The following KMT5A variants were observed in gnomAD, a reference collection of about 807,000 sequenced individuals.
KMT5A encodes the protein N-lysine methyltransferase KMT5A.
Under a neutral mutation model 40.6 loss-of-function variants are expected in KMT5A, and 6 were observed. The observed-to-expected ratio is 0.15, with a 90% CI of 0.08 to 0.29. KMT5A has a LOEUF of 0.29. KMT5A is among the 10% of genes least tolerant of loss of function. KMT5A has a pLI of 1.00. For missense variants in KMT5A, 308 were observed against 459.1 expected (o/e 0.67, Z 3.01); for synonymous variants, 153 against 178.8 (o/e 0.86, Z 1.15).
At chr12:123,398,583 C>G (rs1031242555) in intron 5 of KMT5A, among the ~76,000 whole-genome samples, 7 of 152,238 alleles carry the variant, frequency 4.6e-5, no homozygotes, top group Non-Finnish European at 1.0e-4. Context: ...AGTCTGCAAA[C>G]ACAAGAAAGC....
intron 5 of KMT5A, among the ~76,000 whole-genome samples, chr12:123,396,951 C>T (rs977303076): frequency 2.6e-5 from 4 of 152,278 alleles, no homozygotes; most frequent in Admixed American, 2.6e-4. Flanking sequence ...GTAGTACCTG[C>T]TAGAGCTGTG....
chr12:123,393,715 T>C (rs28825193), intron 3 of KMT5A, among the ~76,000 whole-genome samples: 79,809 of 151,918 alleles, frequency 0.53, 25,275 homozygotes, highest in East Asian at 0.71. Context: ...AATGTTTTTA[T>C]ATTTTTAGTA....
rs775363653 is a variant in KMT5A at position 123,408,079 on chromosome 12, C to A, written c.*376C>A. On this transcript the variant is annotated 3_prime_UTR_variant, in exon 8 of 8. Transcript: ENST00000402868. Reference sequence around the variant, plus strand: ...CCTTTCTCCAGTGGAAGAGCCGGGACCTTCCCCCTGCACCCCCGACATCCA... The same window carrying A: ...CCTTTCTCCAGTGGAAGAGCCGGGAACTTCCCCCTGCACCCCCGACATCCA... 9.0e-6 allele frequency: 2 copies of A among 223,048 alleles called. No individual in the cohort carries two copies. Among genetic ancestry groups the A allele is most frequent in the Admixed American group, 1.1e-4 (2 of 18,548 alleles). 13.8% of individuals were successfully genotyped at this position (223,048 alleles called of 1,614,324 possible). A position where few individuals can be genotyped will look rare whatever the true frequency, so the allele number is the denominator to read the frequency against.
At chr12:123,403,498 G>A (rs1878328837) in intron 5 of KMT5A, 75 bp from the exon 6 acceptor site, 1 of 1,544,402 alleles carries the variant, frequency 6.5e-7, no homozygotes, top group Non-Finnish European at 8.9e-7. Context: ...GGGCAATCAG[G>A]GCTCAAGACC....
chr12:123,407,108 C>G (rs1878614334), intron 7 of KMT5A, among the ~76,000 whole-genome samples: 1 of 150,954 alleles, frequency 6.6e-6, no homozygotes, highest in African/African-American at 2.4e-5. Flanking sequence ...GAGGCCAAGG[C>G]CAGAGGATCA....
chr12:123,403,523 G>A lies in KMT5A; in HGVS notation c.598-50G>A, dbSNP rs774761901. The A allele has an allele frequency of 9.3e-6, 15 of 1,604,376 alleles. 1 individual carries two copies. The highest frequency in any genetic ancestry group is 8.8e-5 in the South Asian group (8 of 90,812). On this transcript the variant is annotated intron_variant, in intron 5 of 7. Coordinates refer to ENST00000402868, the MANE Select transcript of KMT5A (RefSeq NM_020382.7). Reference sequence around the variant, plus strand: ...GGCTCAAGACCATCAAGCTACGCACGATGGGCCTAGGAGAAGATACTGATG... The same window carrying A: ...GGCTCAAGACCATCAAGCTACGCACAATGGGCCTAGGAGAAGATACTGATG...
rs1189255570 is a variant in KMT5A at position 123,390,804 on chromosome 12, C to T, written c.289+18C>T. 5 of 1,612,970 alleles carry T rather than the reference C, an allele frequency of 3.1e-6. No homozygotes were observed. The African/African-American group carries it at 6.7e-5, about 22-fold the overall frequency. On this transcript the variant is annotated intron_variant, in intron 3 of 7. Coordinates refer to ENST00000402868, the MANE Select transcript of KMT5A (RefSeq NM_020382.7). ...ACGAGAAGGTAAGCTTTTGAAATGGCCTCGTTCTGATCCCAGCTGGTCGGG... is the reference window on the plus strand; with the variant it reads ...ACGAGAAGGTAAGCTTTTGAAATGGTCTCGTTCTGATCCCAGCTGGTCGGG...
At chr12:123,389,373 C>T (rs1189651102) in intron 1 of KMT5A, 60 bp from the exon 2 acceptor site, 1 of 996,358 alleles carries the variant, frequency 1.0e-6, no homozygotes, top group Non-Finnish European at 1.2e-6. Context: ...CGGCCCCGCT[C>T]CCCGCCCCGC....
In KMT5A at chr12:123,405,033, C is replaced by T. The variant is rs559892921; in HGVS notation, c.807C>T (p.Gly269=). 4 of 1,614,096 alleles carry T rather than the reference C, an allele frequency of 2.5e-6. No individual in the cohort carries two copies. The South Asian group carries it at 3.3e-5, about 13-fold the overall frequency. ...EALYAQDPST[G]CYMYYFQYLS... is the part of the protein sequence containing the mutation. ...TGTACGCACAGGACCCTTCCACGGG[C>T]TGCTACATGTACTATTTTCAGTATC... The change falls in exon 7 of 8, where the codon GGC becomes GGT. Residue 269 remains glycine, a synonymous_variant. Coordinates refer to ENST00000402868, the MANE Select transcript of KMT5A (RefSeq NM_020382.7).
intron 2 of KMT5A, 140 bp downstream of exon 2, chr12:123,389,694 C>A: frequency 1.8e-6 from 1 of 557,368 alleles, no homozygotes; most frequent in Non-Finnish European, 2.3e-6. Flanking sequence ...GTGGCGCCCA[C>A]ACGGCTCCGC....
In KMT5A at chr12:123,389,517, T is replaced by C; in HGVS notation, c.95T>C (p.Val32Ala). The change falls in exon 2 of 8, where the codon GTG (valine) becomes GCG (alanine). Residue 32 changes from valine (V) to alanine (A), a missense_variant. Val to Ala is a moderately conservative substitution (Grantham distance 64). Transcript: ENST00000402868. ...GCGACGGCCCCGGGCCCGGAGATGG[T>C]GGAGCGGAGGGGCCCGGGGAGGCCC... ...VAATAPGPEMVERRGPGRPRT... is the reference protein window; with the variant it reads ...VAATAPGPEMAERRGPGRPRT... 1 of 1,117,292 alleles carries C rather than the reference T, an allele frequency of 9.0e-7. No homozygotes were observed. Among genetic ancestry groups the C allele is most frequent in the Admixed American group, 5.1e-5 (1 of 19,544 alleles). 69.2% of individuals were successfully genotyped at this position (1,117,292 alleles called of 1,614,324 possible). A position where few individuals can be genotyped will look rare whatever the true frequency, so the allele number is the denominator to read the frequency against.
intron 7 of KMT5A, among the ~76,000 whole-genome samples, chr12:123,406,021 G>A (rs954493571): frequency 1.3e-5 from 2 of 151,904 alleles, no homozygotes; most frequent in Non-Finnish European, 2.9e-5. Context: ...GAGTTTCACT[G>A]TGTTAGCCAG....
At chr12:123,389,121 G>A (rs1340712089) in intron 1 of KMT5A, 1 of 132,470 alleles carries the variant, frequency 7.5e-6, no homozygotes, top group East Asian at 2.4e-4. Flanking sequence ...GGGCGCCGCG[G>A]CGGCGCTGGT....
At chr12:123,402,275 C>T (rs115823069) in intron 5 of KMT5A, among the ~76,000 whole-genome samples, 12,269 of 152,212 alleles carry the variant, frequency 0.081, 1,375 homozygotes, top group African/African-American at 0.25. Flanking sequence ...GCAAGGGGGC[C>T]GGAGCGGGGC....
chr12:123,402,591 C>T (rs888588615), intron 5 of KMT5A, among the ~76,000 whole-genome samples: 5 of 152,148 alleles, frequency 3.3e-5, no homozygotes, highest in Admixed American at 6.5e-5. Flanking sequence ...TTGGAGCTTC[C>T]GATCTGTCTT....
Position 123,389,484 on chromosome 12 carries a change from C to CGGT in KMT5A, c.65_67dup (p.Val22dup). On this transcript the variant is annotated inframe_insertion, in exon 2 of 8. Coordinates refer to ENST00000402868, the MANE Select transcript of KMT5A (RefSeq NM_020382.7). ...GTGGAGGCGGCGGCGGCGGCGGCGG[C>CGGT]GGTGGCAGCGACGGCCCCGGGCCCG... 6.3e-6 allele frequency: 7 copies of CGGT among 1,114,528 alleles called. No homozygotes were observed. Among genetic ancestry groups the CGGT allele is most frequent in the Non-Finnish European group, 7.6e-6 (7 of 917,682 alleles). 69.0% of individuals were successfully genotyped at this position (1,114,528 alleles called of 1,614,324 possible).
chr12:123,405,462 C>T (rs780418600), intron 7 of KMT5A, among the ~76,000 whole-genome samples: 3 of 141,530 alleles, frequency 2.1e-5, no homozygotes, highest in South Asian at 2.3e-4. Flanking sequence ...TGAGCCACTG[C>T]GCTCGGGCTG....
At chr12:123,389,880 C>G (rs745756621) in intron 2 of KMT5A, among the ~76,000 whole-genome samples, 1 of 152,082 alleles carries the variant, frequency 6.6e-6, no homozygotes, top group Admixed American at 6.5e-5. Flanking sequence ...GTCCCCGAGG[C>G]GGCGAGGGCC....
chr12:123,401,724 GGT>G (rs1255334125), intron 5 of KMT5A, among the ~76,000 whole-genome samples: 2 of 151,998 alleles, frequency 1.3e-5, no homozygotes, highest in African/African-American at 4.8e-5. Flanking sequence ...CGGGATTACA[GGT>G]GTGTGCCACC....
Sources: allele counts gnomAD v4.1 joint callset (sites outside exome capture counted in the v4.1 genomes callset), GRCh38; gene constraint gnomAD v4.1.1; transcripts MANE v1.5; gene names NCBI Gene and HGNC (gene_info 2026-07-23, HGNC 2026-07-21).